Variants in PTPRD observed in about 807,000 individuals in gnomAD.
The protein encoded by PTPRD is protein tyrosine phosphatase receptor type D.
PTPRD carries 34 observed loss-of-function variants against 214.5 expected under a neutral mutation model. The ratio of observed to expected loss-of-function variants is 0.16; its 90% CI spans 0.12 to 0.21. The LOEUF is 0.21. Ranked by LOEUF, PTPRD falls within the 10% of genes least tolerant of loss-of-function variation. The probability of loss-of-function intolerance (pLI) is 1.00; values close to 1 mark genes in which losing one functional copy is unlikely to be tolerated. For missense variants in PTPRD, 2,545 were observed against 2,398.7 expected, an observed-to-expected ratio of 1.06 and a Z score of -1.27; for synonymous variants, 1,128 against 845.7, an observed-to-expected ratio of 1.33 and a Z score of -5.79.
intron 14 of PTPRD, among the ~76,000 whole-genome samples, chr9:8,593,933 G>C (rs1308108139): frequency 1.3e-5 from 2 of 152,096 alleles, no homozygotes; most frequent in Non-Finnish European, 2.9e-5. Flanking sequence ...ACCTAGTGAG[G>C]TCTTTCCCAG....
At chr9:8,371,626 G>C (rs1312126771) in intron 39 of PTPRD, among the ~76,000 whole-genome samples, 1 of 151,960 alleles carries the variant, frequency 6.6e-6, no homozygotes, top group African/African-American at 2.4e-5. Flanking sequence ...GAGTGGGAAG[G>C]GTTTGCAAAA....
intron 3 of PTPRD, among the ~76,000 whole-genome samples, chr9:10,284,152 G>A (rs746625638): frequency 1.3e-5 from 2 of 152,148 alleles, no homozygotes; most frequent in Non-Finnish European, 2.9e-5. Context: ...GGAGTTAGGT[G>A]TCCTAGTCTT....
At chr9:8,844,071 G>T (rs2097633957) in intron 11 of PTPRD, among the ~76,000 whole-genome samples, 1 of 152,142 alleles carries the variant, frequency 6.6e-6, no homozygotes, top group Non-Finnish European at 1.5e-5. Flanking sequence ...CAGACGTATG[G>T]AAACATAATG....
At position 9,331,606 on chromosome 9, in the gene PTPRD, T is replaced by C. The variant is rs61271435; in HGVS notation, c.-203+65843A>G. Among the ~76,000 whole-genome samples the C allele has an allele frequency of 2.0e-3, 311 of 152,152 alleles. 2 individuals carry two copies. The highest frequency in any genetic ancestry group is 7.2e-3 in the African/African-American group (299 of 41,540). On this transcript the variant is annotated intron_variant, in intron 9 of 45. Coordinates refer to ENST00000381196, the MANE Select transcript of PTPRD (RefSeq NM_002839.4). The stretch of plus-strand genomic sequence containing the variant: ...CTATAAAAGGGGTATGTTTTACAAA[T>C]TGAAAGCCAGAGAATACCGTCTTGC...
chr9:8,908,587 C>T (rs191473548), intron 11 of PTPRD, among the ~76,000 whole-genome samples: 2 of 151,976 alleles, frequency 1.3e-5, no homozygotes, highest in Admixed American at 1.3e-4. Context: ...TAGGAGGCAG[C>T]TAAAGTAATG....
chr9:9,425,966 A>G (rs1032200947), intron 8 of PTPRD, among the ~76,000 whole-genome samples: 4 of 152,186 alleles, frequency 2.6e-5, no homozygotes, highest in Non-Finnish European at 5.9e-5. Flanking sequence ...TCCAGTCTAC[A>G]GCTCCCACCA....
intron 7 of PTPRD, among the ~76,000 whole-genome samples, chr9:9,580,230 G>C (rs954226242): frequency 2.0e-5 from 3 of 152,114 alleles, no homozygotes; most frequent in Non-Finnish European, 4.4e-5. Context: ...ATATCAAGTA[G>C]TGGGATTGCT....
At chr9:9,515,171 G>C (rs2096803868) in intron 8 of PTPRD, among the ~76,000 whole-genome samples, 2 of 152,158 alleles carry the variant, frequency 1.3e-5, no homozygotes, top group East Asian at 1.9e-4. Context: ...TGGAGGTGCT[G>C]GTATAGAAGT....
chr9:9,826,083 G>A (rs1767612458), intron 5 of PTPRD, among the ~76,000 whole-genome samples: 1 of 150,340 alleles, frequency 6.7e-6, no homozygotes, highest in Non-Finnish European at 1.5e-5. Flanking sequence ...TCTTCTTCAG[G>A]GACTCCTGCT....
chr9:8,438,645 T>G (rs2095438772), intron 34 of PTPRD: 1 of 152,202 alleles, frequency 6.6e-6, no homozygotes, highest in Non-Finnish European at 1.5e-5. Context: ...TGGACTGATG[T>G]GGACATCATT....
chr9:9,324,381 T>A (rs1405877177), intron 9 of PTPRD, among the ~76,000 whole-genome samples: 2 of 152,196 alleles, frequency 1.3e-5, no homozygotes, highest in African/African-American at 4.8e-5. Context: ...TGATTGCCAT[T>A]CTAACTGGTG....
At chr9:9,892,185 A>G (rs2073558118) in intron 5 of PTPRD, among the ~76,000 whole-genome samples, 1 of 152,130 alleles carries the variant, frequency 6.6e-6, no homozygotes, top group African/African-American at 2.4e-5. Flanking sequence ...ATGAAGAAAA[A>G]TGAATCAGCA....
intron 11 of PTPRD, among the ~76,000 whole-genome samples, chr9:8,924,219 T>C (rs542234488): frequency 3.7e-5 from 5 of 134,970 alleles, no homozygotes; most frequent in South Asian, 4.7e-4. Context: ...AGGATCAACA[T>C]TGGCAAAGTA....
At chr9:8,439,349 T>C (rs1177208691) in intron 34 of PTPRD, among the ~76,000 whole-genome samples, 2 of 152,208 alleles carry the variant, frequency 1.3e-5, no homozygotes, top group Non-Finnish European at 2.9e-5. Flanking sequence ...TCTTCATAAC[T>C]TTCATTCTTC....
intron 4 of PTPRD, among the ~76,000 whole-genome samples, chr9:9,983,099 C>T (rs1367374618): frequency 2.0e-5 from 3 of 151,558 alleles, no homozygotes; most frequent in Admixed American, 1.3e-4. Context: ...ACTCATTTGT[C>T]GCTAGGGTAC....
At chr9:9,905,822 AAG>A (rs1369531873) in intron 5 of PTPRD, among the ~76,000 whole-genome samples, 4 of 152,056 alleles carry the variant, frequency 2.6e-5, no homozygotes, top group East Asian at 1.9e-4. Flanking sequence ...ACAAGGACAA[AAG>A]AGAGAACTAA....
At chr9:9,341,508 T>C (rs1293284871) in intron 9 of PTPRD, among the ~76,000 whole-genome samples, 1 of 152,150 alleles carries the variant, frequency 6.6e-6, no homozygotes, top group Non-Finnish European at 1.5e-5. Context: ...CTGGCACTTG[T>C]CCTGCTGGTA....
Position 8,758,628 on chromosome 9 carries a change from TG to T in PTPRD, c.-103-24683del, listed in dbSNP as rs2094185585. On this transcript the variant is annotated intron_variant, in intron 11 of 45. Coordinates refer to ENST00000381196, the MANE Select transcript of PTPRD (RefSeq NM_002839.4). ...AACTCATACTTTACAGTTTACAAAA[TG>T]TTTTTTTAAAAAGAATTTCTGACTT... Among the ~76,000 whole-genome samples the T allele has an allele frequency of 2.6e-5, 4 of 152,292 alleles. No individual in the cohort carries two copies. In the South Asian group the frequency reaches 8.3e-4, roughly 32 times the overall value.
At chr9:9,437,545 T>C (rs376195885) in intron 8 of PTPRD, among the ~76,000 whole-genome samples, 6 of 152,304 alleles carry the variant, frequency 3.9e-5, no homozygotes, top group African/African-American at 1.4e-4. Flanking sequence ...TGGCAGATTT[T>C]TCTGTTTTAG....
Sources: gnomAD v4.1 joint callset for allele counts (sites outside exome capture counted in the v4.1 genomes callset) on GRCh38, gnomAD v4.1.1 for gene constraint, MANE v1.5 for transcripts, NCBI Gene and HGNC (gene_info 2026-07-23, HGNC 2026-07-21) for gene names.